Variants in SNX29 observed in about 807,000 individuals in gnomAD.
The protein encoded by SNX29 is sorting nexin 29, also known as sorting nexin-29.
Under a neutral mutation model 102.1 loss-of-function variants are expected in SNX29, and 78 were observed. That is an observed-to-expected ratio of 0.76 (90% CI 0.64 to 0.92). The LOEUF (loss-of-function observed/expected upper bound fraction) is 0.92. Among genes scored for constraint, SNX29 ranks in the 40% least tolerant of loss-of-function variants. The pLI is 0.00. For synonymous variants in SNX29, 580 were observed against 414.5 expected, an observed-to-expected ratio of 1.40 and a Z score of -4.85; for missense variants, 1,280 against 1,061.7, an observed-to-expected ratio of 1.21 and a Z score of -2.86.
intron 20 of SNX29, among the ~76,000 whole-genome samples, chr16:12,559,321 C>T (rs901944779): frequency 1.4e-4 from 21 of 151,768 alleles, no homozygotes; most frequent in African/African-American, 5.1e-4. Context: ...TGTGAACTGC[C>T]CATGTGAGGG....
At chr16:12,155,107 G>A (rs188911706) in intron 13 of SNX29, among the ~76,000 whole-genome samples, 1 of 152,048 alleles carries the variant, frequency 6.6e-6, no homozygotes, top group Non-Finnish European at 1.5e-5. Flanking sequence ...CCTTGTTCTG[G>A]ACTTCTTGCT....
Position 12,156,543 on chromosome 16 carries a change from A to G in SNX29, c.1595+26785A>G, listed in dbSNP as rs541561737. 7.7e-4 allele frequency among the ~76,000 whole-genome samples: 117 copies of G among 152,276 alleles called. 1 individual carries two copies. Among genetic ancestry groups the G allele is most frequent in the African/African-American group, 2.8e-3 (115 of 41,558 alleles). On this transcript the variant is annotated intron_variant, in intron 13 of 20. Transcript: ENST00000566228. ...TTGCCTCTTCCTGCCCCCAGAGAGC[A>G]CCATGAAGCCCAATGAAGGTGGATA...
In SNX29 at chr16:12,569,046, G is replaced by A. The variant is rs928855321; in HGVS notation, c.*417G>A. 9.0e-6 allele frequency: 2 copies of A among 223,354 alleles called. No individual in the cohort carries two copies. The highest frequency in any genetic ancestry group is 8.7e-6 in the Non-Finnish European group (1 of 114,948). 13.8% of individuals were successfully genotyped at this position (223,354 alleles called of 1,614,324 possible). On this transcript the variant is annotated 3_prime_UTR_variant, in exon 21 of 21. Transcript: ENST00000566228. The stretch of plus-strand genomic sequence containing the variant: ...GCCTCTCCACTCTTTCCCACGTGGG[G>A]ACTAGAATGACTATTAGCCTCTCCT...
At chr16:12,354,564 A>C (rs1200472705) in intron 15 of SNX29, among the ~76,000 whole-genome samples, 1 of 152,242 alleles carries the variant, frequency 6.6e-6, no homozygotes, top group Non-Finnish European at 1.5e-5. Flanking sequence ...TGGAAATGGC[A>C]GTGGCATTTA....
chr16:12,337,702 T>G (rs1459114416), intron 15 of SNX29, among the ~76,000 whole-genome samples: 1 of 152,192 alleles, frequency 6.6e-6, no homozygotes, highest in Admixed American at 6.5e-5. Context: ...CCAGATTTTA[T>G]GGACGAAGGG....
chr16:12,376,602 G>T (rs1005745270), intron 16 of SNX29, among the ~76,000 whole-genome samples: 10 of 151,616 alleles, frequency 6.6e-5, no homozygotes, highest in African/African-American at 2.4e-4. Context: ...TGGGCATGGC[G>T]GCTGGCACCT....
At chr16:12,054,868 T>C (rs1430390571) in intron 8 of SNX29, among the ~76,000 whole-genome samples, 1 of 152,242 alleles carries the variant, frequency 6.6e-6, no homozygotes, top group Non-Finnish European at 1.5e-5. Context: ...ATGTTTCCCC[T>C]TTTGTTGGGT....
intron 10 of SNX29, among the ~76,000 whole-genome samples, chr16:12,078,491 A>T (rs2051697937): frequency 6.6e-6 from 1 of 152,188 alleles, no homozygotes; most frequent in African/African-American, 2.4e-5. Flanking sequence ...TAGACAGCAA[A>T]GAGGATGCTT....
chr16:12,173,823 G>A lies in SNX29; in HGVS notation c.1596-25778G>A, dbSNP rs558017895. On this transcript the variant is annotated intron_variant, in intron 13 of 20. Transcript: ENST00000566228. ...TTATTTAGAGACAGAGTCTCACTCTGTTGCCCAGGCTGGAGTGCAGTGGTG... is the reference window on the plus strand; with the variant it reads ...TTATTTAGAGACAGAGTCTCACTCTATTGCCCAGGCTGGAGTGCAGTGGTG... Among the ~76,000 whole-genome samples, 434 of 152,266 alleles carry A rather than the reference G, an allele frequency of 2.9e-3. 4 individuals carry two copies. The highest frequency in any genetic ancestry group is 1.3e-3 in the Non-Finnish European group (90 of 68,026).
intron 13 of SNX29, among the ~76,000 whole-genome samples, chr16:12,155,285 C>CT (rs2055494414): frequency 6.6e-6 from 1 of 152,188 alleles, no homozygotes; most frequent in Non-Finnish European, 1.5e-5. Context: ...CAGGTATATT[C>CT]TATGTATTAA....
At position 12,565,278 on chromosome 16, in the gene SNX29, TACGCCAGCAG is replaced by T. The variant is rs563057648; in HGVS notation, c.2319-3227_2319-3218del. ...CAGTTGCAAGAGGTTCAGCCTCACA[TACGCCAGCAG>T]CCACCAGCACTCTCCATTCAAGTCC... On this transcript the variant is annotated intron_variant, in intron 20 of 20. Transcript: ENST00000566228. Among the ~76,000 whole-genome samples, 94 of 152,302 alleles carry T rather than the reference TACGCCAGCAG, an allele frequency of 6.2e-4. 1 individual carries two copies. The highest frequency in any genetic ancestry group is 2.1e-3 in the African/African-American group (89 of 41,548).
intron 19 of SNX29, among the ~76,000 whole-genome samples, chr16:12,509,552 T>C (rs2089518033): frequency 6.6e-6 from 1 of 152,204 alleles, no homozygotes; most frequent in African/African-American, 2.4e-5. Context: ...TGGAGGGGTG[T>C]CCTGGCAGTA....
chr16:12,012,047 T>C (rs543124233), intron 3 of SNX29, among the ~76,000 whole-genome samples: 2 of 152,254 alleles, frequency 1.3e-5, no homozygotes, highest in African/African-American at 4.8e-5. Flanking sequence ...ATTCAACAGG[T>C]ATTTATTTAT....
chr16:12,534,827 T>C (rs1169167413), intron 20 of SNX29, among the ~76,000 whole-genome samples: 1 of 152,150 alleles, frequency 6.6e-6, no homozygotes, highest in Non-Finnish European at 1.5e-5. Flanking sequence ...CAGGCACAGC[T>C]GGGAGTGAAT....
intron 15 of SNX29, among the ~76,000 whole-genome samples, chr16:12,302,360 T>C (rs983867205): frequency 7.9e-5 from 12 of 152,270 alleles, no homozygotes; most frequent in Admixed American, 2.0e-4. Context: ...TGTTTATCAT[T>C]ATTGATTGTG....
intron 11 of SNX29, among the ~76,000 whole-genome samples, chr16:12,080,978 A>C (rs776998581): frequency 6.6e-5 from 10 of 152,066 alleles, no homozygotes; most frequent in Non-Finnish European, 1.2e-4. Context: ...CACCGTGCCC[A>C]GACTGTAGTT....
At chr16:12,421,188 C>G (rs938296351) in intron 18 of SNX29, among the ~76,000 whole-genome samples, 1 of 152,182 alleles carries the variant, frequency 6.6e-6, no homozygotes, top group Non-Finnish European at 1.5e-5. Context: ...GTGTTGAAAA[C>G]ACAGACTGAG....
At chr16:12,553,079 G>A (rs534371641) in intron 20 of SNX29, among the ~76,000 whole-genome samples, 3 of 152,346 alleles carry the variant, frequency 2.0e-5, no homozygotes, top group Admixed American at 1.3e-4. Flanking sequence ...ACACTCACCT[G>A]CATATAGTTC....
At chr16:12,475,851 C>T (rs1051710551) in intron 18 of SNX29, among the ~76,000 whole-genome samples, 5 of 152,188 alleles carry the variant, frequency 3.3e-5, no homozygotes, top group African/African-American at 4.8e-5. Context: ...ATTTCAAAAG[C>T]GGCCAAAACA....
Sources: gnomAD v4.1 joint callset for allele counts (sites outside exome capture counted in the v4.1 genomes callset) on GRCh38, gnomAD v4.1.1 for gene constraint, MANE v1.5 for transcripts, NCBI Gene and HGNC (gene_info 2026-07-23, HGNC 2026-07-21) for gene names.